Variants in PBX1 observed in about 807,000 individuals in gnomAD.
PBX1 encodes the protein pre-B-cell leukemia transcription factor 1.
PBX1 carries 6 observed loss-of-function variants against 53.4 expected under a neutral mutation model. The observed-to-expected ratio is 0.11, with a 90% CI of 0.06 to 0.22. The LOEUF (loss-of-function observed/expected upper bound fraction) is 0.22. Among genes scored for constraint, PBX1 ranks in the 10% least tolerant of loss-of-function variants. The probability of loss-of-function intolerance (pLI) is 1.00; values close to 1 mark genes in which losing one functional copy is unlikely to be tolerated. For missense variants in PBX1, 251 were observed against 551.4 expected (o/e 0.46, Z 5.46); for synonymous variants, 204 against 212.3 (o/e 0.96, Z 0.34).
At chr1:164,782,715 T>C (rs1355105677) in intron 2 of PBX1, among the ~76,000 whole-genome samples, 1 of 152,180 alleles carries the variant, frequency 6.6e-6, no homozygotes, top group Non-Finnish European at 1.5e-5. Flanking sequence ...GGCCGGAAAA[T>C]GCCATTTGCC....
At chr1:164,563,704 T>G (rs1653224356) in intron 2 of PBX1, among the ~76,000 whole-genome samples, 1 of 152,170 alleles carries the variant, frequency 6.6e-6, no homozygotes, top group East Asian at 1.9e-4. Flanking sequence ...GTGGGGGTGC[T>G]AAACTGTTGA....
At chr1:164,627,212 A>T (rs1462960698) in intron 2 of PBX1, among the ~76,000 whole-genome samples, 1 of 152,074 alleles carries the variant, frequency 6.6e-6, no homozygotes, top group Admixed American at 6.6e-5. Flanking sequence ...TTTTTCCTTA[A>T]GGAAAAATGA....
At chr1:164,712,106 G>A (rs1056367624) in intron 2 of PBX1, among the ~76,000 whole-genome samples, 1 of 149,166 alleles carries the variant, frequency 6.7e-6, no homozygotes, top group African/African-American at 2.5e-5. Flanking sequence ...CTGGGGGAGG[G>A]GCCACTTCAT....
chr1:164,672,568 T>C (rs1373135105), intron 2 of PBX1, among the ~76,000 whole-genome samples: 1 of 152,338 alleles, frequency 6.6e-6, no homozygotes, highest in East Asian at 1.9e-4. Context: ...GGAGTATTAA[T>C]AATTTCCATA....
At chr1:164,687,025 C>A (rs2102011721) in intron 2 of PBX1, among the ~76,000 whole-genome samples, 1 of 152,144 alleles carries the variant, frequency 6.6e-6, no homozygotes, top group South Asian at 2.1e-4. Context: ...TTTCGTAATT[C>A]TTGGATGCAA....
In PBX1 at chr1:164,848,861, C is replaced by T. The variant is rs1047420999; in HGVS notation, c.*2185C>T. The T allele has an allele frequency of 9.4e-7, 1 of 1,065,668 alleles. No individual in the cohort carries two copies. The highest frequency in any genetic ancestry group is 1.6e-5 in the African/African-American group (1 of 61,020). The allele number at this position is 1,065,668 out of a possible 1,614,324, so 66.0% of individuals were successfully genotyped here. A position where few individuals can be genotyped will look rare whatever the true frequency, so the allele number is the denominator to read the frequency against. On this transcript the variant is annotated 3_prime_UTR_variant, in exon 9 of 9. Coordinates refer to ENST00000420696, the MANE Select transcript of PBX1 (RefSeq NM_002585.4). ...GTGCTCAGGGGAGCAGGGGATGCCA[C>T]TGAAGAAACTCAAGGGAATGTGTAT... is the stretch of plus-strand genomic sequence containing the variant.
intron 2 of PBX1, among the ~76,000 whole-genome samples, chr1:164,590,805 A>AG (rs1174954791): frequency 6.6e-6 from 1 of 151,834 alleles, no homozygotes; most frequent in African/African-American, 2.4e-5. Context: ...TAAAAAAAAA[A>AG]TCTCTGACTG....
Position 164,636,388 on chromosome 1 carries a change from T to G in PBX1, c.265+73077T>G, listed in dbSNP as rs149700261. The stretch of plus-strand genomic sequence containing the variant: ...ACAAGGTGCATGAGCCCAGCTTGTT[T>G]GTTGCATGTGGGAAGTGTATATTTT... On this transcript the variant is annotated intron_variant, in intron 2 of 8. Transcript: ENST00000420696. 8.9e-3 allele frequency among the ~76,000 whole-genome samples: 1,363 copies of G among 152,300 alleles called. 11 individuals are homozygous for G. Among genetic ancestry groups the G allele is most frequent in the Non-Finnish European group, 0.014 (963 of 68,026 alleles).
intron 2 of PBX1, among the ~76,000 whole-genome samples, chr1:164,885,027 C>A (rs1672746546): frequency 6.6e-6 from 1 of 152,204 alleles, no homozygotes; most frequent in Non-Finnish European, 1.5e-5. Flanking sequence ...GTACCGGTCA[C>A]TGTGTGAGGT....
rs1339461106 is a variant in PBX1 at position 164,799,879 on chromosome 1, C to T, written c.691C>T (p.Leu231=). The T allele has an allele frequency of 1.9e-6, 3 of 1,611,568 alleles. No homozygotes were observed. The highest frequency in any genetic ancestry group is 2.5e-6 in the Non-Finnish European group (3 of 1,178,302). The part of the protein sequence containing the change: ...EAVMILRSRF[L]DARRKRRNFN... ...GGTGATGATCCTGCGTTCCCGATTT[C>T]TGGATGCGCGGTGAGTCTCCCATGG... The change falls in exon 4 of 9, where the codon CTG becomes TTG. Residue 231 remains leucine, a synonymous_variant. Transcript: ENST00000420696.
chr1:164,707,424 A>T (rs61801345), intron 2 of PBX1, among the ~76,000 whole-genome samples: 30,567 of 87,056 alleles, frequency 0.35, 3,626 homozygotes, highest in South Asian at 0.53. Flanking sequence ...TGTGTGAGAG[A>T]GAGAGAGAGA....
At chr1:164,750,145 GGTGTGTGTGT>G (rs10665357) in intron 2 of PBX1, among the ~76,000 whole-genome samples, 179 of 140,846 alleles carry the variant, frequency 1.3e-3, no homozygotes, top group African/African-American at 4.2e-3. Context: ...GGGGCTAGTT[GGTGTGTGTGT>G]GTGTGTGTGT....
In PBX1 at chr1:164,851,587, T is replaced by A. The variant is rs562841172; in HGVS notation, c.*4911T>A. On this transcript the variant is annotated 3_prime_UTR_variant, in exon 9 of 9. Coordinates refer to ENST00000420696, the MANE Select transcript of PBX1 (RefSeq NM_002585.4). ...TGCTTTCCTTTGGTTGTTGGTTTTA[T>A]TCTCCCCCTACCCCTCCCCTTTTCT... The A allele has an allele frequency of 2.2e-4, 42 of 187,522 alleles. No individual in the cohort carries two copies. In the South Asian group the frequency reaches 7.8e-3, roughly 35 times the overall value. 11.6% of individuals were successfully genotyped at this position (187,522 alleles called of 1,614,324 possible).
chr1:164,644,523 A>G (rs552187143), intron 2 of PBX1, among the ~76,000 whole-genome samples: 3 of 152,176 alleles, frequency 2.0e-5, no homozygotes, highest in African/African-American at 7.2e-5. Flanking sequence ...TGGGCAAATC[A>G]GGCAAAACAA....
chr1:164,835,997 A>T (rs6684310), intron 8 of PBX1, among the ~76,000 whole-genome samples: 2 of 151,962 alleles, frequency 1.3e-5, no homozygotes, highest in Non-Finnish European at 1.5e-5. Flanking sequence ...TGGAAAGTTT[A>T]GGGGGAGATC....
At chr1:164,645,265 G>GTGAGA (rs768363192) in intron 2 of PBX1, among the ~76,000 whole-genome samples, 13 of 152,096 alleles carry the variant, frequency 8.5e-5, no homozygotes, top group Non-Finnish European at 1.6e-4. Flanking sequence ...AGATAGAATT[G>GTGAGA]TAGAGCTCAA....
intron 3 of PBX1, among the ~76,000 whole-genome samples, chr1:164,795,580 A>G (rs1240271430): frequency 6.6e-6 from 1 of 152,222 alleles, no homozygotes; most frequent in Non-Finnish European, 1.5e-5. Flanking sequence ...ATTTGTTTAT[A>G]TGGGCATTTT....
chr1:164,730,071 C>T (rs1209187437), intron 2 of PBX1, among the ~76,000 whole-genome samples: 1 of 152,178 alleles, frequency 6.6e-6, no homozygotes, highest in Non-Finnish European at 1.5e-5. Flanking sequence ...TGGAGGGCTT[C>T]AGGATATCTG....
At chr1:164,725,114 C>T (rs146131010) in intron 2 of PBX1, among the ~76,000 whole-genome samples, 1 of 152,098 alleles carries the variant, frequency 6.6e-6, no homozygotes, top group East Asian at 1.9e-4. Context: ...CCACCCCCTT[C>T]CTGCATCCAG....
Sources: allele counts gnomAD v4.1 joint callset (sites outside exome capture counted in the v4.1 genomes callset), GRCh38; gene constraint gnomAD v4.1.1; transcripts MANE v1.5; gene names NCBI Gene and HGNC (gene_info 2026-07-23, HGNC 2026-07-21).